Variants in INTS9 observed in about 807,000 individuals in gnomAD.
The protein encoded by INTS9 is protein related to CPSF subunits of 74 kDa.
Under a neutral mutation model 79.7 loss-of-function variants are expected in INTS9, and 55 were observed. That is an observed-to-expected ratio of 0.69 (90% CI 0.56 to 0.86). The LOEUF (loss-of-function observed/expected upper bound fraction) is 0.86, where lower values mean the gene tolerates loss of function less well. INTS9 is among the 40% of genes least tolerant of loss of function. The pLI is 0.00. For missense variants in INTS9, 721 were observed against 831.5 expected, an observed-to-expected ratio of 0.87 and a Z score of 1.64; for synonymous variants, 319 against 325.2, an observed-to-expected ratio of 0.98 and a Z score of 0.20.
At chr8:28,806,131 G>C (rs1163474272) in intron 8 of INTS9, among the ~76,000 whole-genome samples, 1 of 152,230 alleles carries the variant, frequency 6.6e-6, no homozygotes, top group Non-Finnish European at 1.5e-5. Flanking sequence ...TTGGGAGGCT[G>C]AGGTGGGAGG....
In INTS9 at chr8:28,795,639, C is replaced by CA. The variant is rs56910832; in HGVS notation, c.856+904dup. 5.5e-3 allele frequency among the ~76,000 whole-genome samples: 389 copies of CA among 70,816 alleles called. 17 individuals carry two copies. The highest frequency in any genetic ancestry group is 0.01 in the African/African-American group (178 of 17,752). The allele number at this position is 70,816 out of a possible 152,430, so 46.5% of individuals were successfully genotyped here. On this transcript the variant is annotated intron_variant, in intron 9 of 16. Coordinates refer to ENST00000521022, the MANE Select transcript of INTS9 (RefSeq NM_018250.4). Reference sequence around the variant, plus strand: ...TGGGCAACAGAGCAAGACTCCGTCTCAAAAAAAAAAAAAAAAAAAAAAAAA... The same window carrying CA: ...TGGGCAACAGAGCAAGACTCCGTCTCAAAAAAAAAAAAAAAAAAAAAAAAAA...
At chr8:28,819,023 TC>T in intron 6 of INTS9, among the ~76,000 whole-genome samples, 1 of 152,174 alleles carries the variant, frequency 6.6e-6, no homozygotes, top group Non-Finnish European at 1.5e-5. Flanking sequence ...TTTTATTGTG[TC>T]TATTTGATTC....
rs200079512 is a variant in INTS9, at chr8:28,868,450, G to GT, written c.10-8888dup. Among the ~76,000 whole-genome samples the GT allele has an allele frequency of 4.7e-3, 694 of 148,880 alleles. 4 individuals carry two copies. Among genetic ancestry groups the GT allele is most frequent in the African/African-American group, 0.015 (611 of 40,566 alleles). On this transcript the variant is annotated intron_variant, in intron 1 of 16. Transcript: ENST00000521022. ...AGAACTGCACAGTCATAAAGAAACTGTTTTTTTTTTAAATAGGCAATAGTG... is the reference window on the plus strand; with the variant it reads ...AGAACTGCACAGTCATAAAGAAACTGTTTTTTTTTTTAAATAGGCAATAGTG...
At chr8:28,868,113 G>A (rs1430887824) in intron 1 of INTS9, among the ~76,000 whole-genome samples, 1 of 152,182 alleles carries the variant, frequency 6.6e-6, no homozygotes, top group Non-Finnish European at 1.5e-5. Context: ...TTTTGCAGAG[G>A]TGGTATAATC....
chr8:28,876,716 C>T (rs1245058950), intron 1 of INTS9, among the ~76,000 whole-genome samples: 3 of 151,910 alleles, frequency 2.0e-5, no homozygotes, highest in Non-Finnish European at 2.9e-5. Context: ...AAGTTATGCA[C>T]CTGGAAAACC....
At chr8:28,777,690 G>C (rs916019621) in intron 13 of INTS9, 139 bp downstream of exon 13, 1 of 934,372 alleles carries the variant, frequency 1.1e-6, no homozygotes, top group Non-Finnish European at 1.5e-6. Flanking sequence ...GCTGGCATGT[G>C]TCCCAGCATT....
At chr8:28,774,230 T>C (rs1563240201) in intron 14 of INTS9, among the ~76,000 whole-genome samples, 1 of 152,252 alleles carries the variant, frequency 6.6e-6, no homozygotes, top group South Asian at 2.1e-4. Flanking sequence ...ATCAAAATCT[T>C]AACATTTATC....
Position 28,874,752 on chromosome 8 carries a change from G to T in INTS9, c.9+15122C>A, listed in dbSNP as rs1254948018. On this transcript the variant is annotated intron_variant, in intron 1 of 16. Coordinates refer to ENST00000521022, the MANE Select transcript of INTS9 (RefSeq NM_018250.4). ...CCCTTCTAAGACATTTATTAGGTCT[G>T]CCCCTGCCCCACTTATAGTGATCTG... Among the ~76,000 whole-genome samples, 4 of 152,098 alleles carry T rather than the reference G, an allele frequency of 2.6e-5. 1 individual carries two copies. The highest frequency in any genetic ancestry group is 2.6e-4 in the Admixed American group (4 of 15,270).
At chr8:28,875,585 A>G (rs1809337392) in intron 1 of INTS9, among the ~76,000 whole-genome samples, 1 of 152,054 alleles carries the variant, frequency 6.6e-6, no homozygotes, top group Non-Finnish European at 1.5e-5. Flanking sequence ...GCTGCAAAAA[A>G]TCAACCCATC....
intron 4 of INTS9, among the ~76,000 whole-genome samples, chr8:28,842,051 A>C (rs370220201): frequency 1.1e-3 from 170 of 152,322 alleles, no homozygotes; most frequent in African/African-American, 3.6e-3. Flanking sequence ...TTATGCCATC[A>C]CACTTCACGC....
chr8:28,830,517 A>C (rs1346620260), intron 6 of INTS9, among the ~76,000 whole-genome samples: 1 of 151,844 alleles, frequency 6.6e-6, no homozygotes. Context: ...CCAGCTACTC[A>C]GCAGGTTGAT....
At chr8:28,807,958 T>C (rs563167221) in intron 8 of INTS9, among the ~76,000 whole-genome samples, 1 of 152,328 alleles carries the variant, frequency 6.6e-6, no homozygotes, top group South Asian at 2.1e-4. Context: ...ATTATTAGAA[T>C]TAAGAGAATT....
At chr8:28,842,778 T>G (rs899824493) in intron 4 of INTS9, among the ~76,000 whole-genome samples, 1 of 152,216 alleles carries the variant, frequency 6.6e-6, no homozygotes, top group African/African-American at 2.4e-5. Context: ...AGGAATTTAT[T>G]TATTGTTTCA....
At chr8:28,881,712 C>T (rs1396701469) in intron 1 of INTS9, among the ~76,000 whole-genome samples, 4 of 146,086 alleles carry the variant, frequency 2.7e-5, no homozygotes, top group Non-Finnish European at 6.1e-5. Flanking sequence ...GTGGGGGGGT[C>T]AGCCCCCCTT....
At chr8:28,842,739 TACA>T (rs768121750) in intron 4 of INTS9, among the ~76,000 whole-genome samples, 3 of 152,164 alleles carry the variant, frequency 2.0e-5, no homozygotes, top group East Asian at 3.8e-4. Flanking sequence ...TCCTGTGAAG[TACA>T]ACACCTGGAC....
intron 11 of INTS9, among the ~76,000 whole-genome samples, chr8:28,782,559 A>G (rs1421255029): frequency 1.3e-5 from 2 of 152,222 alleles, no homozygotes; most frequent in African/African-American, 4.8e-5. Flanking sequence ...ACGCACACAC[A>G]CATGCACGAC....
At chr8:28,864,085 A>C (rs1224941648) in intron 1 of INTS9, among the ~76,000 whole-genome samples, 4 of 152,198 alleles carry the variant, frequency 2.6e-5, no homozygotes, top group African/African-American at 9.7e-5. Context: ...GCTCATGCCT[A>C]TAATCCCAGC....
chr8:28,790,927 C>T (rs1398303916), intron 10 of INTS9, among the ~76,000 whole-genome samples: 6 of 152,186 alleles, frequency 3.9e-5, no homozygotes, highest in Admixed American at 3.9e-4. Context: ...GGGACAAAAC[C>T]AAACTAAGCT....
intron 12 of INTS9, 66 bp downstream of exon 12, chr8:28,780,757 T>C: frequency 6.3e-7 from 1 of 1,580,966 alleles, no homozygotes; most frequent in Non-Finnish European, 8.6e-7. Flanking sequence ...GTCTCTACCT[T>C]GTAGGTGCAT....
Sources: gnomAD v4.1 joint callset for allele counts (sites outside exome capture counted in the v4.1 genomes callset) on GRCh38, gnomAD v4.1.1 for gene constraint, MANE v1.5 for transcripts, NCBI Gene and HGNC (gene_info 2026-07-23, HGNC 2026-07-21) for gene names.